Variants in VTI1A observed in about 807,000 individuals in gnomAD.
VTI1A encodes the protein vesicle transport through interaction with t-SNAREs homolog 1A.
A neutral mutation model predicts 34.9 loss-of-function variants in VTI1A; 22 were observed. The ratio of observed to expected loss-of-function variants is 0.63; its 90% CI spans 0.45 to 0.90. The LOEUF is 0.90. VTI1A is among the 40% of genes least tolerant of loss of function. The pLI is 0.00. For synonymous variants in VTI1A, 87 were observed against 97.3 expected, an observed-to-expected ratio of 0.89 and a Z score of 0.62; for missense variants, 268 against 275.6, an observed-to-expected ratio of 0.97 and a Z score of 0.20.
At chr10:112,641,266 C>T (rs1195896477) in intron 5 of VTI1A, among the ~76,000 whole-genome samples, 1 of 152,110 alleles carries the variant, frequency 6.6e-6, no homozygotes, top group Non-Finnish European at 1.5e-5. Flanking sequence ...TCCTGCAGGC[C>T]CCAGTGATCC....
At chr10:112,547,352 G>T in intron 5 of VTI1A, among the ~76,000 whole-genome samples, 1 of 151,564 alleles carries the variant, frequency 6.6e-6, no homozygotes, top group Non-Finnish European at 1.5e-5. Flanking sequence ...CGAGGTGGGC[G>T]GATCACTTGA....
chr10:112,562,071 G>GA (rs1457248971), intron 5 of VTI1A, among the ~76,000 whole-genome samples: 3 of 151,858 alleles, frequency 2.0e-5, no homozygotes, highest in Non-Finnish European at 2.9e-5. Flanking sequence ...CTTTCCTTCA[G>GA]AAAAAATAAA....
intron 5 of VTI1A, among the ~76,000 whole-genome samples, chr10:112,608,032 C>G (rs74158745): frequency 0.022 from 3,359 of 152,234 alleles, 135 homozygotes; most frequent in African/African-American, 0.076. Context: ...ATAGACCAAC[C>G]CTGATACAAC....
At chr10:112,666,274 A>G (rs1247919714) in intron 5 of VTI1A, among the ~76,000 whole-genome samples, 1 of 152,196 alleles carries the variant, frequency 6.6e-6, no homozygotes, top group East Asian at 1.9e-4. Flanking sequence ...GAGCTACTAT[A>G]CTGGGAAAGA....
chr10:112,627,517 T>C (rs1471460473), intron 5 of VTI1A, among the ~76,000 whole-genome samples: 1 of 152,122 alleles, frequency 6.6e-6, no homozygotes, highest in Non-Finnish European at 1.5e-5. Context: ...CCCATCTATC[T>C]CTCCCACTCT....
intron 1 of VTI1A, chr10:112,450,083 G>A (rs1436253445): frequency 6.6e-6 from 1 of 151,896 alleles, no homozygotes; most frequent in Non-Finnish European, 1.5e-5. Flanking sequence ...GTAGAGATGG[G>A]GTTTTGCCAT....
chr10:112,807,494 C>T (rs1853127797), intron 7 of VTI1A, among the ~76,000 whole-genome samples: 1 of 152,144 alleles, frequency 6.6e-6, no homozygotes, highest in Non-Finnish European at 1.5e-5. Context: ...CCTCTTTGTC[C>T]TCTCTTAAGG....
At chr10:112,813,313 A>G (rs1294784788) in intron 7 of VTI1A, among the ~76,000 whole-genome samples, 2 of 152,250 alleles carry the variant, frequency 1.3e-5, no homozygotes, top group African/African-American at 4.8e-5. Context: ...AGCATCATGG[A>G]TGCCTTGGGG....
intron 3 of VTI1A, among the ~76,000 whole-genome samples, chr10:112,506,851 A>G (rs1220961839): frequency 1.3e-5 from 2 of 151,916 alleles, no homozygotes; most frequent in Non-Finnish European, 2.9e-5. Context: ...TTATTTCACC[A>G]TCATGTTTGA....
chr10:112,664,272 G>C (rs1202779959), intron 5 of VTI1A, among the ~76,000 whole-genome samples: 1 of 152,158 alleles, frequency 6.6e-6, no homozygotes, highest in East Asian at 1.9e-4. Flanking sequence ...TGGTGAATTA[G>C]ATTTGAGGCT....
chr10:112,540,692 A>G (rs998163695), intron 5 of VTI1A, among the ~76,000 whole-genome samples: 2 of 152,194 alleles, frequency 1.3e-5, no homozygotes, highest in Admixed American at 1.3e-4. Context: ...CTGCTTCCCT[A>G]CTGGTCCTCA....
At chr10:112,607,990 C>A (rs755656165) in intron 5 of VTI1A, among the ~76,000 whole-genome samples, 1 of 152,100 alleles carries the variant, frequency 6.6e-6, no homozygotes, top group Non-Finnish European at 1.5e-5. Context: ...GGAATTGACA[C>A]CTCATCACTT....
chr10:112,819,602 C>G (rs1424811626), downstream of VTI1A, among the ~76,000 whole-genome samples: 2 of 152,158 alleles, frequency 1.3e-5, no homozygotes, highest in Non-Finnish European at 2.9e-5. Flanking sequence ...CAGCGCTTCC[C>G]TAATATGCAA....
intron 5 of VTI1A, among the ~76,000 whole-genome samples, chr10:112,595,653 C>T (rs1348111962): frequency 6.6e-6 from 1 of 151,696 alleles, no homozygotes; most frequent in Non-Finnish European, 1.5e-5. Flanking sequence ...ATTAAAAAGT[C>T]AGGAAACAAC....
intron 3 of VTI1A, among the ~76,000 whole-genome samples, chr10:112,484,024 C>G (rs1172693002): frequency 6.6e-6 from 1 of 152,206 alleles, no homozygotes; most frequent in Non-Finnish European, 1.5e-5. Flanking sequence ...ACTAAATTCT[C>G]TGCTCATCTA....
intron 7 of VTI1A, among the ~76,000 whole-genome samples, chr10:112,798,925 G>T (rs1852771258): frequency 6.6e-6 from 1 of 152,186 alleles, no homozygotes; most frequent in African/African-American, 2.4e-5. Flanking sequence ...GGCTTTTCCA[G>T]CCACGTGCTG....
intron 7 of VTI1A, among the ~76,000 whole-genome samples, chr10:112,732,407 C>A (rs1443230709): frequency 6.6e-6 from 1 of 152,208 alleles, no homozygotes. Flanking sequence ...CCCAGAGGGG[C>A]TGTGCCTCTC....
At chr10:112,846,412 G>T in the VTI1A span, among the ~76,000 whole-genome samples, 1 of 152,216 alleles carries the variant, frequency 6.6e-6, no homozygotes, top group Non-Finnish European at 1.5e-5. Context: ...AACTTTCCGT[G>T]ATGATGTTCA....
At position 112,499,989 on chromosome 10, in the gene VTI1A, G is replaced by A. The variant is rs1444979897; in HGVS notation, c.265-27098G>A. ...GTCTGTTTTCCACTTTGAGTTGAGA[G>A]GAAACTCCTGAAAAACGTAAAGCTG... On this transcript the variant is annotated intron_variant, in intron 3 of 7. Transcript: ENST00000393077. 5.3e-5 allele frequency among the ~76,000 whole-genome samples: 8 copies of A among 152,170 alleles called. No homozygotes were observed. The East Asian group carries it at 1.5e-3, about 29-fold the overall frequency.
Sources: gnomAD v4.1 joint callset for allele counts (sites outside exome capture counted in the v4.1 genomes callset) on GRCh38, gnomAD v4.1.1 for gene constraint, MANE v1.5 for transcripts, NCBI Gene and HGNC (gene_info 2026-07-23, HGNC 2026-07-21) for gene names.